Variants in ATG14 observed in about 807,000 individuals in gnomAD.
The protein encoded by ATG14 is autophagy related 14.
A neutral mutation model predicts 60.4 loss-of-function variants in ATG14; 35 were observed. That is an observed-to-expected ratio of 0.58 (90% CI 0.44 to 0.77). The LOEUF (loss-of-function observed/expected upper bound fraction) is 0.77. Among genes scored for constraint, ATG14 ranks in the 30% least tolerant of loss-of-function variants. The probability of loss-of-function intolerance (pLI) is 0.00; values close to 1 mark genes in which losing one functional copy is unlikely to be tolerated. For synonymous variants in ATG14, 234 were observed against 228.8 expected, an observed-to-expected ratio of 1.02 and a Z score of -0.21; for missense variants, 647 against 626.3, an observed-to-expected ratio of 1.03 and a Z score of -0.35.
intron 5 of ATG14, among the ~76,000 whole-genome samples, chr14:55,383,221 G>A (rs1379841147): frequency 1.3e-5 from 2 of 151,924 alleles, no homozygotes; most frequent in Non-Finnish European, 2.9e-5. Context: ...TGAACTAACC[G>A]AGGACTGAAA....
intron 9 of ATG14, among the ~76,000 whole-genome samples, chr14:55,376,561 G>A (rs761091313): frequency 2.6e-5 from 4 of 152,144 alleles, no homozygotes; most frequent in Non-Finnish European, 4.4e-5. Flanking sequence ...AACTATCTGA[G>A]GTGGGGAGGG....
In ATG14 at chr14:55,382,132, T is replaced by C. The variant is rs1204989569; in HGVS notation, c.707A>G (p.Lys236Arg). 1 of 1,614,086 alleles carries C rather than the reference T, an allele frequency of 6.2e-7. No individual in the cohort carries two copies. Among genetic ancestry groups the C allele is most frequent in the Non-Finnish European group, 8.5e-7 (1 of 1,180,000 alleles). The stretch of plus-strand genomic sequence containing the variant: ...AGTTGTCCTCCGGGCTTCAGCAAGC[T>C]TGCTCACAGTGCTGGAGGTCATGGC... ...DSAMTSSTVS[K>R]LAEARRTTYL... is the part of the protein sequence containing the mutation. Residue 236 changes from lysine to arginine, a missense_variant, in exon 6 of 10, where the codon AAG (lysine) becomes AGG (arginine). Coordinates refer to ENST00000247178, the MANE Select transcript of ATG14 (RefSeq NM_014924.5).
In ATG14 at chr14:55,382,168, T is replaced by C. The variant is rs763099007; in HGVS notation, c.671A>G (p.Glu224Gly). 4.3e-6 allele frequency: 7 copies of C among 1,614,180 alleles called. No homozygotes were observed. The South Asian group carries it at 6.6e-5, about 15-fold the overall frequency. The change falls in exon 6 of 10, where the codon GAG becomes GGG. Residue 224 changes from glutamate (E) to glycine (G), a missense_variant. Physicochemically the swap from Glu to Gly is moderately conservative, Grantham distance 98. Transcript: ENST00000247178. ...GVRDPADVSSESDSAMTSSTV... is the reference protein window; with the variant it reads ...GVRDPADVSSGSDSAMTSSTV... ...GCTGGAGGTCATGGCACTGTCACTC[T>C]CTGAAGACACATCTGCGGGGTCTCT...
rs1388462760 is a variant in ATG14, at chr14:55,377,914, A to T, written c.1087-10T>A. The T allele has an allele frequency of 1.9e-6, 3 of 1,598,012 alleles. No individual in the cohort carries two copies. The highest frequency in any genetic ancestry group is 1.4e-5 in the African/African-American group (1 of 73,906). ...GATCTAAATTTACATGCTAAAAAAA[A>T]TTAAAGAATTGGTTAATATTTTCAA... On this transcript the variant is annotated splice_polypyrimidine_tract_variant and intron_variant, in intron 8 of 9. Coordinates refer to ENST00000247178, the MANE Select transcript of ATG14 (RefSeq NM_014924.5).
chr14:55,396,481 T>C (rs1434374605), intron 2 of ATG14, among the ~76,000 whole-genome samples: 1 of 152,230 alleles, frequency 6.6e-6, no homozygotes, highest in Non-Finnish European at 1.5e-5. Context: ...AGATTTAAAT[T>C]GCTCATGAAT....
Position 55,411,773 on chromosome 14 carries a change from C to A in ATG14, c.50G>T (p.Cys17Phe). The change falls in exon 1 of 10, where the codon TGC becomes TTC. Residue 17 changes from cysteine (C) to phenylalanine (F), a missense_variant. Physicochemically the swap from Cys to Phe is radical, Grantham distance 205. Transcript: ENST00000247178. ...GTCCCGGGCGAGCGGCCGGGGCCCG[C>A]AGCCAGGAGCCTCCAGCGCCCGGGC... ...KGARALEAPG[C>F]GPRPLARDLV... The A allele has an allele frequency of 6.2e-7, 1 of 1,605,382 alleles. No individual in the cohort carries two copies. The highest frequency in any genetic ancestry group is 1.3e-5 in the African/African-American group (1 of 74,948).
intron 1 of ATG14, among the ~76,000 whole-genome samples, chr14:55,399,545 T>C (rs1419314948): frequency 1.3e-5 from 2 of 152,336 alleles, no homozygotes; most frequent in South Asian, 2.1e-4. Flanking sequence ...CAAGGCATCC[T>C]CCAGAATACT....
intron 1 of ATG14, among the ~76,000 whole-genome samples, chr14:55,407,391 A>C (rs1885508161): frequency 6.6e-6 from 1 of 152,110 alleles, no homozygotes; most frequent in African/African-American, 2.4e-5. Flanking sequence ...AGCCTCCCAA[A>C]GTGCTGGGAT....
intron 3 of ATG14, among the ~76,000 whole-genome samples, chr14:55,393,118 A>C (rs913582271): frequency 6.6e-6 from 1 of 152,204 alleles, no homozygotes; most frequent in Non-Finnish European, 1.5e-5. Context: ...GCGGTGGCTC[A>C]CGCCTGTAAT....
Position 55,366,491 on chromosome 14 carries a change from A to G in ATG14, c.*3128T>C, listed in dbSNP as rs1033648828. The G allele has an allele frequency of 6.6e-6, 1 of 152,666 alleles. No homozygotes were observed. Among genetic ancestry groups the G allele is most frequent in the Non-Finnish European group, 1.5e-5 (1 of 68,044 alleles). 9.5% of individuals were successfully genotyped at this position (152,666 alleles called of 1,614,324 possible). ...TTGCAGAGCAATGGGGAATTCCTGC[A>G]ACATGATACTGTGAGGAGATTCTCG... On this transcript the variant is annotated 3_prime_UTR_variant, in exon 10 of 10. Coordinates refer to ENST00000247178, the MANE Select transcript of ATG14 (RefSeq NM_014924.5).
chr14:55,383,110 G>A (rs1212237221), intron 5 of ATG14, among the ~76,000 whole-genome samples: 1 of 152,162 alleles, frequency 6.6e-6, no homozygotes, highest in African/African-American at 2.4e-5. Context: ...GCTTTTCCTT[G>A]AGCCAGCAAT....
intron 1 of ATG14, among the ~76,000 whole-genome samples, chr14:55,400,539 T>C (rs1885380158): frequency 6.6e-6 from 1 of 152,184 alleles, no homozygotes; most frequent in African/African-American, 2.4e-5. Context: ...CTATGATCAG[T>C]AACGATACAA....
chr14:55,380,525 C>T, intron 7 of ATG14, 48 bp downstream of exon 7: 1 of 1,252,096 alleles, frequency 8.0e-7, no homozygotes, highest in Non-Finnish European at 1.2e-6. Flanking sequence ...AAAATAGAAA[C>T]TTGAAAGAGC....
chr14:55,401,494 A>G (rs1885397933), intron 1 of ATG14, among the ~76,000 whole-genome samples: 1 of 151,916 alleles, frequency 6.6e-6, no homozygotes, highest in South Asian at 2.1e-4. Context: ...TTACAACACT[A>G]TTTTCCGTAT....
intron 6 of ATG14, among the ~76,000 whole-genome samples, chr14:55,381,604 GATGA>G (rs1209379093): frequency 1.3e-5 from 2 of 152,214 alleles, no homozygotes; most frequent in Non-Finnish European, 2.9e-5. Flanking sequence ...CTATCATGTG[GATGA>G]ATCTTGAAAA....
intron 9 of ATG14, among the ~76,000 whole-genome samples, chr14:55,377,347 CA>C (rs903887080): frequency 4.8e-5 from 7 of 144,352 alleles, no homozygotes; most frequent in Admixed American, 2.1e-4. Context: ...AACCCCATCT[CA>C]AAAAAAAAAG....
chr14:55,385,026 C>T (rs1002555735), intron 5 of ATG14, among the ~76,000 whole-genome samples: 3 of 152,176 alleles, frequency 2.0e-5, no homozygotes, highest in Non-Finnish European at 2.9e-5. Context: ...CGCCTAAGAC[C>T]GAAGTCACGG....
Position 55,381,957 on chromosome 14 carries a change from C to T in ATG14, c.877+5G>A. ...ATAGATTTCAAAGGATATGCTGCTT[C>T]TCACCAGGCCCCTGGGTTGTTTTCT... is the stretch of plus-strand genomic sequence containing the variant. On this transcript the variant is annotated splice_donor_5th_base_variant and intron_variant, in intron 6 of 9. Coordinates refer to ENST00000247178, the MANE Select transcript of ATG14 (RefSeq NM_014924.5). The T allele has an allele frequency of 6.2e-7, 1 of 1,610,578 alleles. No homozygotes were observed. The highest frequency in any genetic ancestry group is 8.5e-7 in the Non-Finnish European group (1 of 1,176,844).
At position 55,411,753 on chromosome 14, in the gene ATG14, G is replaced by A. The variant is rs761935311; in HGVS notation, c.70C>T (p.Arg24Trp). 1 of 1,608,306 alleles carries A rather than the reference G, an allele frequency of 6.2e-7. No homozygotes were observed. Among genetic ancestry groups the A allele is most frequent in the Non-Finnish European group, 8.5e-7 (1 of 1,177,878 alleles). Residue 24 changes from arginine (R) to tryptophan (W), a missense_variant, in exon 1 of 10, where the codon CGG becomes TGG. By Grantham distance (101) the Arg-to-Trp change is moderately radical. Transcript: ENST00000247178. The stretch of plus-strand genomic sequence containing the variant: ...TCGTCCACGGAGTCCACCAGGTCCC[G>A]GGCGAGCGGCCGGGGCCCGCAGCCA... ...APGCGPRPLA[R>W]DLVDSVDDAE...
Sources: allele counts gnomAD v4.1 joint callset (sites outside exome capture counted in the v4.1 genomes callset), GRCh38; gene constraint gnomAD v4.1.1; transcripts MANE v1.5; gene names NCBI Gene and HGNC (gene_info 2026-07-23, HGNC 2026-07-21).